SUMF1: variants seen among roughly 807,000 people sequenced by gnomAD.
SUMF1 encodes the protein formylglycine-generating enzyme.
Under a neutral mutation model 47.6 loss-of-function variants are expected in SUMF1, and 48 were observed. The observed-to-expected ratio is 1.01, with a 90% confidence interval of 0.80 to 1.28. SUMF1 has a LOEUF of 1.28. Ranked by LOEUF, SUMF1 falls within the 50% of genes most tolerant of loss-of-function variation. The pLI, the probability that SUMF1 is intolerant of heterozygous loss-of-function variation, is 0.00. For synonymous variants in SUMF1, 230 were observed against 192.1 expected, an observed-to-expected ratio of 1.20 and a Z score of -1.63; for missense variants, 571 against 485.4, an observed-to-expected ratio of 1.18 and a Z score of -1.66.
At chr3:4,214,638 A>C (rs1695876748) in intron 8 of SUMF1, among the ~76,000 whole-genome samples, 1 of 152,176 alleles carries the variant, frequency 6.6e-6, no homozygotes, top group South Asian at 2.1e-4. Context: ...GAAAAGATCA[A>C]CTAAATAGAT....
intron 8 of SUMF1, among the ~76,000 whole-genome samples, chr3:4,315,963 C>T (rs1192716926): frequency 6.7e-6 from 1 of 149,036 alleles, no homozygotes; most frequent in Non-Finnish European, 1.5e-5. Context: ...ACGAGAATCA[C>T]TTGAGCCCAG....
intron 8 of SUMF1, among the ~76,000 whole-genome samples, chr3:4,249,903 C>T (rs1434174015): frequency 6.6e-6 from 1 of 152,130 alleles, no homozygotes; most frequent in African/African-American, 2.4e-5. Flanking sequence ...TCTCATTGGG[C>T]CAGGGGCAGT....
intron 8 of SUMF1, among the ~76,000 whole-genome samples, chr3:4,375,933 C>T (rs554160655): frequency 5.3e-5 from 8 of 152,264 alleles, no homozygotes; most frequent in African/African-American, 1.9e-4. Context: ...ACAATCTGCC[C>T]TCCATACATA....
At chr3:4,095,626 G>A (rs1692884174) in intron 8 of SUMF1, among the ~76,000 whole-genome samples, 1 of 152,034 alleles carries the variant, frequency 6.6e-6, no homozygotes, top group Non-Finnish European at 1.5e-5. Flanking sequence ...ACTACAAGAT[G>A]CTGTTACACC....
intron 8 of SUMF1, among the ~76,000 whole-genome samples, chr3:4,244,795 C>A (rs148486725): frequency 3.9e-5 from 6 of 152,034 alleles, no homozygotes; most frequent in Non-Finnish European, 7.4e-5. Flanking sequence ...TGTTGGCCTG[C>A]CTTGCTAGGT....
Position 4,409,406 on chromosome 3 carries a change from T to C in SUMF1, c.954+1459A>G, listed in dbSNP as rs116095333. On this transcript the variant is annotated intron_variant, in intron 7 of 8. Transcript: ENST00000272902. Reference sequence around the variant, plus strand: ...AGCCTGGGATTGGTGAAAAGAAAAATGTGAATTTTTCTGTAAATCCTTAGA... The same window carrying C: ...AGCCTGGGATTGGTGAAAAGAAAAACGTGAATTTTTCTGTAAATCCTTAGA... Among the ~76,000 whole-genome samples the C allele has an allele frequency of 2.2e-3, 336 of 152,172 alleles. 2 individuals are homozygous for C. The highest frequency in any genetic ancestry group is 7.8e-3 in the African/African-American group (325 of 41,504).
intron 8 of SUMF1, among the ~76,000 whole-genome samples, chr3:4,165,843 T>G (rs1694688486): frequency 7.8e-6 from 1 of 127,998 alleles, no homozygotes; most frequent in Non-Finnish European, 1.6e-5. Context: ...AAAATGCCCG[T>G]GGTTTTGATT....
At chr3:4,090,725 A>AACC (rs979947601) in intron 8 of SUMF1, among the ~76,000 whole-genome samples, 2 of 152,158 alleles carry the variant, frequency 1.3e-5, no homozygotes, top group African/African-American at 4.8e-5. Flanking sequence ...TCCTTGATTT[A>AACC]ACCTGCCATT....
At chr3:4,257,656 G>C (rs1393397950) in intron 8 of SUMF1, among the ~76,000 whole-genome samples, 2 of 149,056 alleles carry the variant, frequency 1.3e-5, no homozygotes, top group Non-Finnish European at 3.0e-5. Flanking sequence ...TGGGTAGGAA[G>C]AATCAATATC....
intron 8 of SUMF1, among the ~76,000 whole-genome samples, chr3:4,255,469 T>C (rs910325881): frequency 2.0e-5 from 2 of 97,852 alleles, no homozygotes; most frequent in Non-Finnish European, 4.3e-5. Flanking sequence ...GCAATCCTAG[T>C]CTCTGATAAA....
At chr3:4,315,036 T>G (rs1698580255) in intron 8 of SUMF1, among the ~76,000 whole-genome samples, 1 of 152,178 alleles carries the variant, frequency 6.6e-6, no homozygotes, top group Non-Finnish European at 1.5e-5. Flanking sequence ...TTTAAGTATC[T>G]TAGGGTTTAT....
chr3:4,150,725 C>T (rs541632735), intron 8 of SUMF1, among the ~76,000 whole-genome samples: 1 of 151,540 alleles, frequency 6.6e-6, no homozygotes, highest in Admixed American at 6.6e-5. Flanking sequence ...AACAGTGATA[C>T]CACTATGAAA....
chr3:4,060,872 T>C (rs1397476026), intron 9 of SUMF1, among the ~76,000 whole-genome samples: 3 of 152,134 alleles, frequency 2.0e-5, no homozygotes, highest in Non-Finnish European at 1.5e-5. Context: ...ATAAAGCTCT[T>C]AGGTACCAAA....
chr3:4,083,342 T>C (rs1404800158), intron 8 of SUMF1, among the ~76,000 whole-genome samples: 9 of 152,130 alleles, frequency 5.9e-5, no homozygotes, highest in Non-Finnish European at 1.2e-4. Flanking sequence ...CACTGGAACC[T>C]GAAGGCAGCA....
At chr3:4,300,373 T>C (rs1023334606) in intron 8 of SUMF1, among the ~76,000 whole-genome samples, 2 of 152,220 alleles carry the variant, frequency 1.3e-5, no homozygotes, top group Admixed American at 1.3e-4. Flanking sequence ...TAAACCTCTT[T>C]TCTTTATAAA....
At chr3:4,265,081 G>A (rs1259193298) in intron 8 of SUMF1, among the ~76,000 whole-genome samples, 3 of 142,934 alleles carry the variant, frequency 2.1e-5, no homozygotes, top group East Asian at 4.2e-4. Flanking sequence ...AGGCTGCAGT[G>A]AGCCAAGATT....
At chr3:4,259,902 G>A (rs1453747237) in intron 8 of SUMF1, among the ~76,000 whole-genome samples, 3 of 151,730 alleles carry the variant, frequency 2.0e-5, no homozygotes, top group East Asian at 3.9e-4. Context: ...TTTAACCAAC[G>A]GAGATAATAT....
chr3:4,348,578 G>A (rs1699421142), intron 8 of SUMF1, among the ~76,000 whole-genome samples: 1 of 152,020 alleles, frequency 6.6e-6, no homozygotes, highest in Non-Finnish European at 1.5e-5. Context: ...AAAAACCTCA[G>A]AAGAGGCCAG....
At chr3:4,364,051 G>C (rs1358953206) in intron 8 of SUMF1, among the ~76,000 whole-genome samples, 2 of 132,914 alleles carry the variant, frequency 1.5e-5, no homozygotes, top group East Asian at 4.9e-4. Flanking sequence ...TATTGAACCA[G>C]ACTTGCATCC....
Sources: allele counts gnomAD v4.1 joint callset (sites outside exome capture counted in the v4.1 genomes callset), GRCh38; gene constraint gnomAD v4.1.1; transcripts MANE v1.5; gene names NCBI Gene and HGNC (gene_info 2026-07-23, HGNC 2026-07-21).